The following EXOC6 variants were observed in gnomAD, a reference collection of about 807,000 sequenced individuals.
EXOC6 encodes the protein exocyst complex component 6.
In EXOC6, 60 loss-of-function variants were observed where a neutral mutation model predicts 112.5. That is an observed-to-expected ratio of 0.53 (90% confidence interval 0.43 to 0.66). The LOEUF (loss-of-function observed/expected upper bound fraction) is 0.66. EXOC6 is among the 30% of genes least tolerant of loss of function. The pLI, the probability that EXOC6 is intolerant of heterozygous loss-of-function variation, is 0.00. For missense variants in EXOC6, 855 were observed against 957.1 expected, an observed-to-expected ratio of 0.89 and a Z score of 1.41; for synonymous variants, 295 against 308.0, an observed-to-expected ratio of 0.96 and a Z score of 0.44.
rs1852625436 is a variant in EXOC6 at position 92,940,842 on chromosome 10, T to C, written c.1310+18T>C. The C allele has an allele frequency of 6.8e-7, 1 of 1,460,026 alleles. No individual in the cohort carries two copies. The highest frequency in any genetic ancestry group is 9.5e-7 in the Non-Finnish European group (1 of 1,047,372). The allele number at this position is 1,460,026 out of a possible 1,614,324, so 90.4% of individuals were successfully genotyped here. A position where few individuals can be genotyped will look rare whatever the true frequency, so the allele number is the denominator to read the frequency against. ...GTTTTCAGGTTAGTCTAAGTCATGG[T>C]GCCTTAATATAATGAATATGTTTGT... On this transcript the variant is annotated intron_variant, in intron 13 of 21. Transcript: ENST00000260762.
At position 92,842,261 on chromosome 10, in the gene EXOC6, AGGCAGGAGAATTGCT is replaced by A. The variant is rs1482829628; in HGVS notation, c.86+7438_86+7452del. On this transcript the variant is annotated intron_variant, in intron 1 of 21. Coordinates refer to the EXOC6 transcript ENST00000371552. Reference sequence around the variant, plus strand: ...GTAATCCTAGCTACTCAGGAGGCTGAGGCAGGAGAATTGCTTGAACCCGCGAGGTGGAGGTTGCAG... The same window carrying A: ...GTAATCCTAGCTACTCAGGAGGCTGATGAACCCGCGAGGTGGAGGTTGCAG... 2.4e-3 allele frequency among the ~76,000 whole-genome samples: 354 copies of A among 150,378 alleles called. 1 individual carries two copies. The highest frequency in any genetic ancestry group is 8.3e-3 in the African/African-American group (338 of 40,950).
At chr10:93,044,573 A>G (rs527390630) in intron 20 of EXOC6, among the ~76,000 whole-genome samples, 31 of 152,248 alleles carry the variant, frequency 2.0e-4, no homozygotes, top group African/African-American at 7.2e-4. Context: ...ATGGGTCTGT[A>G]TTTATACTCT....
At chr10:93,045,635 AGTGGAGCAAAGT>A (rs1271387690) in intron 20 of EXOC6, among the ~76,000 whole-genome samples, 4 of 152,250 alleles carry the variant, frequency 2.6e-5, no homozygotes, top group African/African-American at 9.6e-5. Context: ...TCGTAGCTTC[AGTGGAGCAAAGT>A]GACTTATCAG....
chr10:93,014,170 C>T, intron 19 of EXOC6, 24 bp from the exon 20 acceptor site: 1 of 1,557,488 alleles, frequency 6.4e-7, no homozygotes, highest in Non-Finnish European at 8.8e-7. Flanking sequence ...CATTTTTATT[C>T]TTTTTTTTTC....
rs148229036 is a variant in EXOC6 at position 92,951,767 on chromosome 10, A to AG, written c.1417-504dup. 3.1e-3 allele frequency among the ~76,000 whole-genome samples: 473 copies of AG among 152,332 alleles called. 3 individuals are homozygous for AG. The highest frequency in any genetic ancestry group is 0.011 in the African/African-American group (453 of 41,564). ...TGCATACCAGTGTTTAATGGCATGG[A>AG]GGTCAGAAACCTGCTATAAGGTATT... is the stretch of plus-strand genomic sequence containing the variant. On this transcript the variant is annotated intron_variant, in intron 14 of 21. Transcript: ENST00000260762.
chr10:92,973,974 T>C, intron 17 of EXOC6, 79 bp from the exon 18 acceptor site: 1 of 1,189,760 alleles, frequency 8.4e-7, no homozygotes, highest in Non-Finnish European at 1.2e-6. Context: ...AAGGTAAATG[T>C]AAAATAATAT....
At chr10:93,018,419 A>G (rs1445547654) in intron 20 of EXOC6, among the ~76,000 whole-genome samples, 2 of 152,150 alleles carry the variant, frequency 1.3e-5, no homozygotes, top group Non-Finnish European at 2.9e-5. Context: ...AAAAGTAGAA[A>G]AATTTACTCA....
In EXOC6 at chr10:92,965,718, C is replaced by G. The variant is rs190334361; in HGVS notation, c.1774-8335C>G. On this transcript the variant is annotated intron_variant, in intron 17 of 21. Transcript: ENST00000260762. ...ACTACAGGAAAAGTTACATTGAAAGCCTTTTCTATCTTTTCTTTCTATCCT... is the reference window on the plus strand; with the variant it reads ...ACTACAGGAAAAGTTACATTGAAAGGCTTTTCTATCTTTTCTTTCTATCCT... Among the ~76,000 whole-genome samples, 419 of 152,226 alleles carry G rather than the reference C, an allele frequency of 2.8e-3. 2 individuals are homozygous for G. Among genetic ancestry groups the G allele is most frequent in the African/African-American group, 9.7e-3 (401 of 41,534 alleles).
chr10:93,023,962 G>A (rs1225068256), intron 20 of EXOC6, among the ~76,000 whole-genome samples: 2 of 151,952 alleles, frequency 1.3e-5, no homozygotes, highest in South Asian at 2.1e-4. Context: ...TTTTTTAATC[G>A]CCAAAGCTTT....
At chr10:93,025,132 C>G (rs1844969297) in intron 20 of EXOC6, among the ~76,000 whole-genome samples, 2 of 152,070 alleles carry the variant, frequency 1.3e-5, no homozygotes, top group Admixed American at 1.3e-4. Flanking sequence ...CTATGTTTAA[C>G]TTTTTTAAAA....
At chr10:92,845,954 A>C (rs1366674060), upstream of EXOC6, among the ~76,000 whole-genome samples, 1 of 152,202 alleles carries the variant, frequency 6.6e-6, no homozygotes, top group Non-Finnish European at 1.5e-5. Flanking sequence ...AACCAACCAA[A>C]CAAACAAAAC....
chr10:92,952,297 A>G lies in EXOC6; in HGVS notation c.1441A>G (p.Met481Val), dbSNP rs1853463838. The G allele has an allele frequency of 1.9e-6, 3 of 1,609,524 alleles. No individual in the cohort carries two copies. The Admixed American group carries it at 5.0e-5, about 27-fold the overall frequency. ...EKQSFPKKFP[M>V]SQSVPHIYIQ... ...GCAGTCTTTCCCAAAGAAATTCCCC[A>G]TGTCTCAGTCAGTGCCTCATATTTA... The change falls in exon 15 of 22, where the codon ATG becomes GTG. Residue 481 changes from methionine (M) to valine (V), a missense_variant. Coordinates refer to ENST00000260762, the MANE Select transcript of EXOC6 (RefSeq NM_019053.6).
At position 92,827,474 on chromosome 10, in the gene EXOC6, C is replaced by CAAAAAAAAAA. The variant is rs60863083; in HGVS notation, c.-27+553_-27+562dup. ...GGGCGACAGAGTGAGGCCCTGTTGC[C>CAAAAAAAAAA]AAAAAAAAAAAAAAAAAAAAAAAAA... On this transcript the variant is annotated intron_variant, in intron 1 of 22. Transcript: ENST00000671701. Among the ~76,000 whole-genome samples, 52 of 33,212 alleles carry CAAAAAAAAAA rather than the reference C, an allele frequency of 1.6e-3. 14 individuals are homozygous for CAAAAAAAAAA. The highest frequency in any genetic ancestry group is 0.013 in the South Asian group (5 of 374). 21.8% of individuals were successfully genotyped at this position (33,212 alleles called of 152,430 possible). A position where few individuals can be genotyped will look rare whatever the true frequency, so the allele number is the denominator to read the frequency against.
chr10:92,976,950 T>C (rs1842647564), intron 18 of EXOC6, among the ~76,000 whole-genome samples: 1 of 152,192 alleles, frequency 6.6e-6, no homozygotes, highest in African/African-American at 2.4e-5. Context: ...AACATACTCT[T>C]ACTAGGTATA....
chr10:93,051,200 A>G (rs1007458482), intron 20 of EXOC6, among the ~76,000 whole-genome samples: 3 of 151,742 alleles, frequency 2.0e-5, no homozygotes, highest in Non-Finnish European at 4.4e-5. Context: ...GGACTACTAC[A>G]TTAGCTTAGC....
intron 5 of EXOC6, among the ~76,000 whole-genome samples, chr10:92,908,277 A>T (rs1289838292): frequency 6.6e-6 from 1 of 151,866 alleles, no homozygotes; most frequent in East Asian, 1.9e-4. Context: ...CTGGTCTCGA[A>T]TTCTTGATCT....
At chr10:92,844,584 T>G (rs576156410), upstream of EXOC6, among the ~76,000 whole-genome samples, 98 of 151,364 alleles carry the variant, frequency 6.5e-4, 2 homozygotes, top group African/African-American at 2.3e-3. Context: ...CACAATCAGG[T>G]TTTTTTTTAA....
rs574218250 is a variant in EXOC6 at position 92,978,077 on chromosome 10, C to G, written c.1953+3845C>G. On this transcript the variant is annotated intron_variant, in intron 18 of 21. Transcript: ENST00000260762. ...TAAATTCAACAATAAATACAAGGTACAACCATATAAAAAGAAAATAATAGT... is the reference window on the plus strand; with the variant it reads ...TAAATTCAACAATAAATACAAGGTAGAACCATATAAAAAGAAAATAATAGT... Among the ~76,000 whole-genome samples, 7 of 152,114 alleles carry G rather than the reference C, an allele frequency of 4.6e-5. No homozygotes were observed. In the South Asian group the frequency reaches 1.5e-3, roughly 32 times the overall value.
At chr10:92,859,434 C>T (rs1009753508) in intron 1 of EXOC6, among the ~76,000 whole-genome samples, 5 of 152,278 alleles carry the variant, frequency 3.3e-5, no homozygotes, top group South Asian at 2.1e-4. Context: ...GCATCACATT[C>T]GGCTGTTAGA....
Sources: allele counts gnomAD v4.1 joint callset (sites outside exome capture counted in the v4.1 genomes callset), GRCh38; gene constraint gnomAD v4.1.1; transcripts MANE v1.5; gene names NCBI Gene and HGNC (gene_info 2026-07-23, HGNC 2026-07-21).